FUBP3: variants seen among roughly 807,000 people sequenced by gnomAD.
FUBP3 encodes the protein far upstream element binding protein 3.
A neutral mutation model predicts 85.6 loss-of-function variants in FUBP3; 28 were observed. The observed-to-expected ratio is 0.33, with a 90% CI of 0.24 to 0.45. The LOEUF (loss-of-function observed/expected upper bound fraction) is 0.45, where lower values mean the gene tolerates loss of function less well. Ranked by LOEUF, FUBP3 falls within the 20% of genes least tolerant of loss-of-function variation. The pLI, the probability that FUBP3 is intolerant of heterozygous loss-of-function variation, is 1.00. For synonymous variants in FUBP3, 271 were observed against 271.4 expected (o/e 1.00, Z 0.01); for missense variants, 583 against 755.1 (o/e 0.77, Z 2.67).
At chr9:130,603,029 C>T (rs2119046787) in intron 2 of FUBP3, among the ~76,000 whole-genome samples, 1 of 152,140 alleles carries the variant, frequency 6.6e-6, no homozygotes, top group South Asian at 2.1e-4. Context: ...CCCAAGGTAA[C>T]AAAGGGTAGA....
At chr9:130,634,458 C>T (rs980955671) in intron 16 of FUBP3, among the ~76,000 whole-genome samples, 3 of 152,216 alleles carry the variant, frequency 2.0e-5, no homozygotes, top group East Asian at 3.9e-4. Context: ...CTAGTTGCCT[C>T]GTGTGCCCAG....
intron 1 of FUBP3, among the ~76,000 whole-genome samples, chr9:130,583,196 G>A (rs1284978062): frequency 6.6e-6 from 1 of 152,204 alleles, no homozygotes; most frequent in African/African-American, 2.4e-5. Flanking sequence ...TTGGGGAAAT[G>A]TTGATTGGTG....
At position 130,635,507 on chromosome 9, in the gene FUBP3, G is replaced by T. The variant is rs572796950; in HGVS notation, c.1583-492G>T. Reference sequence around the variant, plus strand: ...CGCCAGGTTCATGGCCCTTCTAGGGGTTGGAGGTGGGGGTGTTGAGTCATG... The same window carrying T: ...CGCCAGGTTCATGGCCCTTCTAGGGTTTGGAGGTGGGGGTGTTGAGTCATG... On this transcript the variant is annotated intron_variant, in intron 17 of 18. Transcript: ENST00000319725. This position sits in a 1 kb window ranked among gnomAD's most constrained non-coding sequence, Gnocchi z 4.3. Among the ~76,000 whole-genome samples, 1 of 152,292 alleles carries T rather than the reference G, an allele frequency of 6.6e-6. No individual in the cohort carries two copies. Among genetic ancestry groups the T allele is most frequent in the East Asian group, 1.9e-4 (1 of 5,168 alleles).
chr9:130,617,400 C>T (rs944963963), intron 7 of FUBP3, among the ~76,000 whole-genome samples: 6 of 152,106 alleles, frequency 3.9e-5, no homozygotes, highest in African/African-American at 1.2e-4. Context: ...AGTTTTGGTC[C>T]GCCACTCATT....
chr9:130,610,240 T>A (rs980517419), intron 3 of FUBP3, among the ~76,000 whole-genome samples: 10 of 152,260 alleles, frequency 6.6e-5, no homozygotes. Flanking sequence ...AGTTGCTCTT[T>A]CTACCAATGT....
intron 1 of FUBP3, among the ~76,000 whole-genome samples, chr9:130,589,669 G>T (rs200683238): frequency 3.9e-4 from 13 of 33,704 alleles, no homozygotes; most frequent in Non-Finnish European, 5.2e-4. Context: ...ATGTATGTAT[G>T]TGTGTGTATA....
chr9:130,597,043 A>G (rs1421673726), intron 2 of FUBP3, among the ~76,000 whole-genome samples: 4 of 65,454 alleles, frequency 6.1e-5, no homozygotes, highest in African/African-American at 2.6e-4. Context: ...GAGTCCCCTT[A>G]GCCCCCTACT....
intron 1 of FUBP3, among the ~76,000 whole-genome samples, chr9:130,589,663 A>ATGTATGTGTGTGTGTG (rs1564190612): frequency 5.4e-5 from 4 of 73,566 alleles, no homozygotes; most frequent in Non-Finnish European, 7.6e-5. Flanking sequence ...TTAAATATGT[A>ATGTATGTGTGTGTGTG]TGTATGTGTG....
intron 2 of FUBP3, among the ~76,000 whole-genome samples, chr9:130,603,366 AAAC>A (rs1321340302): frequency 1.7e-4 from 19 of 110,194 alleles, no homozygotes; most frequent in Non-Finnish European, 3.0e-4. Flanking sequence ...AAAAAAAAAA[AAAC>A]AAATAGTGAA....
chr9:130,609,880 A>G (rs1353658618), intron 2 of FUBP3, 74 bp from the exon 3 acceptor site: 2 of 1,159,886 alleles, frequency 1.7e-6, no homozygotes, highest in Non-Finnish European at 2.6e-6. Flanking sequence ...CCGAAATGGT[A>G]AGAATGGTAA....
intron 2 of FUBP3, among the ~76,000 whole-genome samples, chr9:130,599,740 T>C (rs1211792003): frequency 3.9e-5 from 6 of 152,218 alleles, no homozygotes; most frequent in Non-Finnish European, 7.3e-5. Context: ...GAATCTGCCT[T>C]CTGGTCTCAG....
intron 5 of FUBP3, 44 bp downstream of exon 5, chr9:130,613,071 T>C (rs1182780478): frequency 7.7e-7 from 1 of 1,291,542 alleles, no homozygotes; most frequent in Non-Finnish European, 1.1e-6. Flanking sequence ...TAGAAATCAG[T>C]ATTTTGCAAA....
chr9:130,597,064 G>A (rs1830909112), intron 2 of FUBP3, among the ~76,000 whole-genome samples: 1 of 102,946 alleles, frequency 9.7e-6, no homozygotes, highest in South Asian at 3.5e-4. Flanking sequence ...ACCCTTCCCA[G>A]CCTCTGGTAA....
intron 9 of FUBP3, among the ~76,000 whole-genome samples, chr9:130,621,000 A>T (rs1345669667): frequency 6.6e-6 from 1 of 152,146 alleles, no homozygotes; most frequent in African/African-American, 2.4e-5. Flanking sequence ...GGGAAGGAGG[A>T]GTATTGTTTA....
At chr9:130,607,136 TA>T (rs1831499329) in intron 2 of FUBP3, among the ~76,000 whole-genome samples, 1 of 143,304 alleles carries the variant, frequency 7.0e-6, no homozygotes, top group African/African-American at 2.8e-5. Flanking sequence ...CTAATTTGTG[TA>T]TTTTTTTTTT....
chr9:130,626,415 C>T lies in FUBP3; in HGVS notation c.1027C>T (p.Arg343Cys), dbSNP rs757223977. ...AGCAGCCAGAGGAAGAGGTCGTGGC[C>T]GTGGCGACTGGAGCGTGGGAGCCCC... Reference protein sequence around the residue: ...LAAARGRGRGRGDWSVGAPGG... With the variant: ...LAAARGRGRGCGDWSVGAPGG... The change falls in exon 12 of 19, where the codon CGT becomes TGT. Residue 343 changes from arginine to cysteine, a missense_variant. Arg to Cys is a radical substitution (Grantham distance 180, BLOSUM62 -3). Around this residue, in one of 3 missense-constraint regions of FUBP3, gnomAD observed 404 missense variants for 516.8 expected, o/e 0.78. Transcript: ENST00000319725. 20 of 1,613,866 alleles carry T rather than the reference C, an allele frequency of 1.2e-5. No homozygotes were observed. Among genetic ancestry groups the T allele is most frequent in the Non-Finnish European group, 1.4e-5 (17 of 1,179,960 alleles).
chr9:130,631,396 G>A (rs1012184060), intron 13 of FUBP3, 161 bp from the exon 14 acceptor site: 66 of 1,319,482 alleles, frequency 5.0e-5, no homozygotes, highest in East Asian at 7.7e-5. Context: ...TTTCTGCAGC[G>A]CAGCCTGCTG....
chr9:130,633,137 C>T (rs1258194959), intron 16 of FUBP3, among the ~76,000 whole-genome samples: 2 of 152,266 alleles, frequency 1.3e-5, no homozygotes, highest in Non-Finnish European at 2.9e-5. Context: ...CACGCCCTGC[C>T]TTCTCTGGAG....
intron 2 of FUBP3, among the ~76,000 whole-genome samples, chr9:130,604,100 C>G (rs1831301857): frequency 6.6e-6 from 1 of 152,150 alleles, no homozygotes; most frequent in South Asian, 2.1e-4. Context: ...GGATCAATCT[C>G]CAGGGAATTA....
Sources: allele counts gnomAD v4.1 joint callset (sites outside exome capture counted in the v4.1 genomes callset), GRCh38; gene constraint gnomAD v4.1.1; regional missense constraint gnomAD v4.1.1; non-coding constraint Gnocchi (gnomAD v3.1); transcripts MANE v1.5; gene names NCBI Gene and HGNC (gene_info 2026-07-23, HGNC 2026-07-21).